The following CUX2 variants were observed in gnomAD, a reference collection of about 807,000 sequenced individuals.
CUX2 encodes the protein cut like homeobox 2.
Under a neutral mutation model 144.8 loss-of-function variants are expected in CUX2, and 40 were observed. That is an observed-to-expected ratio of 0.28 (90% CI 0.21 to 0.36). The LOEUF is 0.36. CUX2 is among the 10% of genes least tolerant of loss of function. The pLI, the probability that CUX2 is intolerant of heterozygous loss-of-function variation, is 1.00. For missense variants in CUX2, 1,615 were observed against 1,994.0 expected (o/e 0.81, Z 3.62); for synonymous variants, 827 against 875.6 (o/e 0.94, Z 0.98).
At chr12:111,047,173 C>T (rs757864423) in intron 1 of CUX2, among the ~76,000 whole-genome samples, 17 of 152,300 alleles carry the variant, frequency 1.1e-4, no homozygotes, top group South Asian at 1.0e-3. Flanking sequence ...CCCTGTCGTC[C>T]GGCCTGCATT....
At chr12:111,227,798 C>T (rs953991648) in intron 3 of CUX2, among the ~76,000 whole-genome samples, 8 of 152,156 alleles carry the variant, frequency 5.3e-5, no homozygotes, top group African/African-American at 1.9e-4. Flanking sequence ...AGAGCACACC[C>T]CTGCCTCCCT....
intron 1 of CUX2, among the ~76,000 whole-genome samples, chr12:111,172,776 A>C (rs1428169812): frequency 6.6e-6 from 1 of 152,234 alleles, no homozygotes; most frequent in Non-Finnish European, 1.5e-5. Context: ...TTTCAGTAAT[A>C]ATTGATCTTC....
rs1265761240 is a variant in CUX2, at chr12:111,034,246, T to TGCGG, written c.63+9_63+12dup. On this transcript the variant is annotated splice_region_variant and intron_variant, in intron 1 of 21. Transcript: ENST00000261726. This position sits in a 1 kb window ranked among gnomAD's most constrained non-coding sequence, Gnocchi z 4.2. ...TTGATCTACGGCGACTCCAGGTTAG[T>TGCGG]GCGGGCAGCGCCGGCCGCGCGGCCG... 1.5e-6 allele frequency: 2 copies of TGCGG among 1,367,374 alleles called. No individual in the cohort carries two copies. Among genetic ancestry groups the TGCGG allele is most frequent in the African/African-American group, 3.1e-5 (2 of 64,526 alleles). 84.7% of individuals were successfully genotyped at this position (1,367,374 alleles called of 1,614,324 possible).
At chr12:111,251,407 T>C (rs1194735780) in intron 3 of CUX2, among the ~76,000 whole-genome samples, 2 of 152,114 alleles carry the variant, frequency 1.3e-5, no homozygotes, top group Non-Finnish European at 2.9e-5. Context: ...AGGTGAGAAG[T>C]TAGAACTTCA....
chr12:111,043,497 T>A (rs1237858231), intron 1 of CUX2, among the ~76,000 whole-genome samples: 3 of 151,568 alleles, frequency 2.0e-5, no homozygotes, highest in Non-Finnish European at 4.4e-5. Context: ...CAATGAGGAG[T>A]AGGGATGGAG....
chr12:111,189,883 G>A (rs1879774422), intron 1 of CUX2, among the ~76,000 whole-genome samples: 1 of 152,076 alleles, frequency 6.6e-6, no homozygotes, highest in South Asian at 2.1e-4. Context: ...AGCACGGGGA[G>A]GCATATGTTT....
At chr12:111,230,784 G>A (rs183060208) in intron 3 of CUX2, among the ~76,000 whole-genome samples, 1 of 152,288 alleles carries the variant, frequency 6.6e-6, no homozygotes, top group East Asian at 1.9e-4. Context: ...TAGCTGGCTG[G>A]GAGGAGCCCT....
chr12:111,112,655 C>T (rs1030782238), intron 1 of CUX2, among the ~76,000 whole-genome samples: 3 of 152,156 alleles, frequency 2.0e-5, no homozygotes, highest in Non-Finnish European at 4.4e-5. Context: ...GAGGATCTGG[C>T]TTCTCTTAGG....
At chr12:111,048,442 A>G (rs925581107) in intron 1 of CUX2, among the ~76,000 whole-genome samples, 1 of 152,216 alleles carries the variant, frequency 6.6e-6, no homozygotes, top group Non-Finnish European at 1.5e-5. Flanking sequence ...ACCCCCAGCA[A>G]GGTGGGAGCT....
chr12:111,159,322 T>A (rs1877602747), intron 1 of CUX2, among the ~76,000 whole-genome samples: 1 of 129,400 alleles, frequency 7.7e-6, no homozygotes, highest in Non-Finnish European at 1.5e-5. Flanking sequence ...CTGTTTTTTT[T>A]TTTTTTCCTA....
rs550955375 is a variant in CUX2 at position 111,059,043 on chromosome 12, G to C, written c.63+24803G>C. On this transcript the variant is annotated intron_variant, in intron 1 of 21. Transcript: ENST00000261726. The surrounding 1 kb of genome is among the most constrained non-coding windows in gnomAD (Gnocchi z 5.3). ...GATATCTGGACACTCCCAAGTCTGG[G>C]TGTGTTTAGTAAACATTATTAATTT... Among the ~76,000 whole-genome samples, 127 of 152,320 alleles carry C rather than the reference G, an allele frequency of 8.3e-4. No individual in the cohort carries two copies. The highest frequency in any genetic ancestry group is 2.5e-3 in the African/African-American group (106 of 41,572).
At chr12:111,346,932 A>G (rs748862677) in intron 21 of CUX2, among the ~76,000 whole-genome samples, 7 of 152,146 alleles carry the variant, frequency 4.6e-5, no homozygotes, top group Non-Finnish European at 1.0e-4. Flanking sequence ...GAATTGCTTG[A>G]ACCCAGGAGG....
chr12:111,176,255 C>T (rs1878852948), intron 1 of CUX2, among the ~76,000 whole-genome samples: 1 of 151,664 alleles, frequency 6.6e-6, no homozygotes. Flanking sequence ...CTATATTGCC[C>T]AGGCTGGTCT....
chr12:111,123,520 C>T (rs1401760980), intron 1 of CUX2, among the ~76,000 whole-genome samples: 1 of 150,462 alleles, frequency 6.6e-6, no homozygotes, highest in African/African-American at 2.4e-5. Flanking sequence ...ATCACATGCA[C>T]TTTCTATACA....
chr12:111,179,898 G>A (rs1025079434), intron 1 of CUX2, among the ~76,000 whole-genome samples: 2 of 152,326 alleles, frequency 1.3e-5, no homozygotes, highest in African/African-American at 4.8e-5. Context: ...TGGCCAGGCT[G>A]GTCTGGAGCT....
chr12:111,235,814 G>A (rs1882711011), intron 3 of CUX2, among the ~76,000 whole-genome samples: 1 of 152,178 alleles, frequency 6.6e-6, no homozygotes, highest in Admixed American at 6.5e-5. Flanking sequence ...GAAAGAGTTG[G>A]GAAGTGGGGA....
chr12:111,195,012 CG>C (rs1209523058), intron 1 of CUX2, among the ~76,000 whole-genome samples: 3 of 152,160 alleles, frequency 2.0e-5, no homozygotes, highest in African/African-American at 7.2e-5. Context: ...GACCCACATG[CG>C]GGGGTGTCAA....
At chr12:111,306,842 G>T in intron 10 of CUX2, 79 bp from the exon 11 acceptor site, 1 of 1,213,230 alleles carries the variant, frequency 8.2e-7, no homozygotes. Context: ...ATTCTGCTTG[G>T]GATTCAGGGG....
At chr12:111,215,535 G>A (rs1275437374) in intron 2 of CUX2, among the ~76,000 whole-genome samples, 1 of 152,188 alleles carries the variant, frequency 6.6e-6, no homozygotes. Context: ...TGAATCTCAG[G>A]TCTAAAAGCC....
Sources: gnomAD v4.1 joint callset for allele counts (sites outside exome capture counted in the v4.1 genomes callset) on GRCh38, gnomAD v4.1.1 for gene constraint, Gnocchi (gnomAD v3.1) non-coding constraint, MANE v1.5 for transcripts, NCBI Gene and HGNC (gene_info 2026-07-23, HGNC 2026-07-21) for gene names.